The following PTPRT variants were observed in gnomAD, a reference collection of about 807,000 sequenced individuals.
PTPRT encodes receptor-type tyrosine-protein phosphatase T.
A neutral mutation model predicts 176.8 loss-of-function variants in PTPRT; 56 were observed. That is an observed-to-expected ratio of 0.32 (90% CI 0.26 to 0.40). PTPRT has a LOEUF of 0.40. PTPRT is among the 10% of genes least tolerant of loss of function. The pLI, the probability that PTPRT is intolerant of heterozygous loss-of-function variation, is 1.00. For missense variants in PTPRT, 1,540 were observed against 1,908.2 expected (o/e 0.81, Z 3.60); for synonymous variants, 783 against 739.0 (o/e 1.06, Z -0.96).
At chr20:42,094,793 G>A (rs1047286671) in intron 27 of PTPRT, among the ~76,000 whole-genome samples, 10 of 152,154 alleles carry the variant, frequency 6.6e-5, no homozygotes, top group Non-Finnish European at 1.0e-4. Context: ...GGGAGGCTGA[G>A]GCAGGAGAAT....
At chr20:42,057,549 T>C in the PTPRT span, among the ~76,000 whole-genome samples, 1 of 152,200 alleles carries the variant, frequency 6.6e-6, no homozygotes, top group Non-Finnish European at 1.5e-5. Context: ...TTGTGGTCCT[T>C]TTACTAGTCT....
At chr20:42,885,429 G>A (rs1600518536) in intron 2 of PTPRT, among the ~76,000 whole-genome samples, 1 of 150,864 alleles carries the variant, frequency 6.6e-6, no homozygotes, top group African/African-American at 2.4e-5. Context: ...TACTGTTGAA[G>A]TTTCCCTAAA....
chr20:42,247,455 C>A (rs2056472420), intron 14 of PTPRT, among the ~76,000 whole-genome samples: 1 of 151,868 alleles, frequency 6.6e-6, no homozygotes, highest in Non-Finnish European at 1.5e-5. Context: ...AAGGTAGGAG[C>A]TGGAATTAGT....
chr20:42,821,340 G>C (rs1201144477), intron 2 of PTPRT, among the ~76,000 whole-genome samples: 3 of 152,122 alleles, frequency 2.0e-5, no homozygotes, highest in African/African-American at 4.8e-5. Context: ...GTACAGAAAA[G>C]GCCTTTGATA....
chr20:42,823,725 A>T (rs1421584611), intron 2 of PTPRT, among the ~76,000 whole-genome samples: 2 of 152,106 alleles, frequency 1.3e-5, no homozygotes, highest in African/African-American at 4.8e-5. Flanking sequence ...TACATTATTC[A>T]ATATTGATTT....
rs1297774961 is a variant in PTPRT, at chr20:42,748,092, C to T, written c.859+8370G>A. 2.7e-5 allele frequency among the ~76,000 whole-genome samples: 4 copies of T among 148,608 alleles called. No individual in the cohort carries two copies. In the Admixed American group the frequency reaches 2.7e-4, roughly 10 times the overall value. On this transcript the variant is annotated intron_variant, in intron 6 of 30. Coordinates refer to ENST00000373187, the MANE Select transcript of PTPRT (RefSeq NM_007050.6). ...TATTGGCACATAACCCATGCTCATT[C>T]ATTTGCATATTTTTTATGGCTGTTT...
chr20:42,183,974 T>G (rs969046391), intron 16 of PTPRT, among the ~76,000 whole-genome samples: 1 of 152,120 alleles, frequency 6.6e-6, no homozygotes, highest in Non-Finnish European at 1.5e-5. Context: ...GAGAGAGTGA[T>G]TCCAGCCTAC....
chr20:42,590,743 A>C (rs949626341), intron 7 of PTPRT, among the ~76,000 whole-genome samples: 1 of 152,198 alleles, frequency 6.6e-6, no homozygotes, highest in Non-Finnish European at 1.5e-5. Flanking sequence ...TGGGAAAATA[A>C]TGTAGCAAAA....
intron 7 of PTPRT, among the ~76,000 whole-genome samples, chr20:42,489,624 T>C (rs1407555152): frequency 6.6e-6 from 1 of 152,136 alleles, no homozygotes; most frequent in East Asian, 1.9e-4. Flanking sequence ...ATTTTTAAAA[T>C]TTAGATAAAT....
rs147376328 is a variant in PTPRT, at chr20:42,725,009, T to TTGTGTGTG, written c.859+31445_859+31452dup. ...CTTGACAGCAGGATGTGGACATCTT[T>TTGTGTGTG]TGTGTGTGTGTGTGTGTGTGTGTGT... On this transcript the variant is annotated intron_variant, in intron 6 of 30. Coordinates refer to ENST00000373187, the MANE Select transcript of PTPRT (RefSeq NM_007050.6). Among the ~76,000 whole-genome samples the TTGTGTGTG allele has an allele frequency of 1.2e-3, 157 of 134,042 alleles. 4 individuals are homozygous for TTGTGTGTG. The highest frequency in any genetic ancestry group is 4.0e-3 in the African/African-American group (151 of 38,054). 87.9% of individuals were successfully genotyped at this position (134,042 alleles called of 152,430 possible). A position where few individuals can be genotyped will look rare whatever the true frequency, so the allele number is the denominator to read the frequency against.
intron 1 of PTPRT, among the ~76,000 whole-genome samples, chr20:43,132,279 T>G (rs1277509291): frequency 6.6e-6 from 1 of 152,128 alleles, no homozygotes; most frequent in African/African-American, 2.4e-5. Context: ...ATAGAAAAAC[T>G]AAGATTTCAG....
chr20:42,732,530 T>C (rs1272237271), intron 6 of PTPRT, among the ~76,000 whole-genome samples: 1 of 152,182 alleles, frequency 6.6e-6, no homozygotes, highest in Non-Finnish European at 1.5e-5. Context: ...ACAGAGAGGA[T>C]GACATCTAAC....
intron 9 of PTPRT, among the ~76,000 whole-genome samples, chr20:42,429,229 T>A (rs1244053084): frequency 6.6e-6 from 1 of 152,088 alleles, no homozygotes; most frequent in Non-Finnish European, 1.5e-5. Flanking sequence ...CAGTGATACA[T>A]GGTAAAGATA....
At chr20:42,534,189 G>A (rs925300949) in intron 7 of PTPRT, among the ~76,000 whole-genome samples, 28 of 152,278 alleles carry the variant, frequency 1.8e-4, no homozygotes, top group South Asian at 4.1e-4. Context: ...TGAAATATCC[G>A]GCATTTGAGC....
At chr20:43,118,639 C>T (rs566959346) in intron 1 of PTPRT, among the ~76,000 whole-genome samples, 16 of 152,244 alleles carry the variant, frequency 1.1e-4, no homozygotes, top group Admixed American at 4.6e-4. Flanking sequence ...GGGGTTTCAC[C>T]GTGTTGGTCA....
In PTPRT at chr20:42,756,510, A is replaced by G; in HGVS notation, c.811T>C (p.Ser271Pro). 6.2e-7 allele frequency: 1 copy of G among 1,610,688 alleles called. No homozygotes were observed. Reference protein sequence around the residue: ...SVSKYRCVIRSDGGSGVSNYA... With the variant: ...SVSKYRCVIRPDGGSGVSNYA... ...TTGGACACACCAGACCCACCATCAG[A>G]GCGGATCACACAGCGGTACTTGCTG... Residue 271 changes from serine to proline, a missense_variant, in exon 6 of 31, where the codon TCT becomes CCT. By Grantham distance (74) the Ser-to-Pro change is moderately conservative. Coordinates refer to ENST00000373187, the MANE Select transcript of PTPRT (RefSeq NM_007050.6).
intron 1 of PTPRT, among the ~76,000 whole-genome samples, chr20:43,123,866 A>G (rs934360733): frequency 5.3e-5 from 8 of 152,348 alleles, no homozygotes; most frequent in African/African-American, 1.7e-4. Context: ...CGGTTTCCCC[A>G]TCTGTAAAAA....
chr20:42,824,092 A>G (rs2077949622), intron 2 of PTPRT, among the ~76,000 whole-genome samples: 1 of 152,148 alleles, frequency 6.6e-6, no homozygotes, highest in East Asian at 1.9e-4. Context: ...AGAAACCCAC[A>G]AAACTTTACT....
intron 7 of PTPRT, among the ~76,000 whole-genome samples, chr20:42,606,336 C>T (rs1295204551): frequency 6.6e-6 from 1 of 152,138 alleles, no homozygotes; most frequent in African/African-American, 2.4e-5. Flanking sequence ...CTCAGCAAAG[C>T]CAATCTGAGG....
Sources: gnomAD v4.1 joint callset for allele counts (sites outside exome capture counted in the v4.1 genomes callset) on GRCh38, gnomAD v4.1.1 for gene constraint, MANE v1.5 for transcripts, NCBI Gene and HGNC (gene_info 2026-07-23, HGNC 2026-07-21) for gene names.